Variants in DLG2 observed in about 807,000 individuals in gnomAD.
The protein encoded by DLG2 is disks large homolog 2.
A neutral mutation model predicts 132.5 loss-of-function variants in DLG2; 45 were observed. That is an observed-to-expected ratio of 0.34 (90% CI 0.27 to 0.44). The LOEUF (loss-of-function observed/expected upper bound fraction) is 0.44, where lower values mean the gene tolerates loss of function less well. Among genes scored for constraint, DLG2 ranks in the 20% least tolerant of loss-of-function variants. DLG2 has a pLI of 1.00. For synonymous variants in DLG2, 424 were observed against 419.6 expected, an observed-to-expected ratio of 1.01 and a Z score of -0.13; for missense variants, 1,045 against 1,196.9, an observed-to-expected ratio of 0.87 and a Z score of 1.87.
At chr11:83,792,972 T>C (rs2041964904) in intron 17 of DLG2, among the ~76,000 whole-genome samples, 1 of 152,198 alleles carries the variant, frequency 6.6e-6, no homozygotes, top group African/African-American at 2.4e-5. Flanking sequence ...CATTTGACTT[T>C]TTCCATTCTG....
At chr11:84,462,735 T>C (rs1329998024) in intron 7 of DLG2, among the ~76,000 whole-genome samples, 1 of 151,016 alleles carries the variant, frequency 6.6e-6, no homozygotes, top group East Asian at 2.0e-4. Context: ...CTCACGAGGG[T>C]TGAAAATACA....
At chr11:84,258,361 T>C (rs1419130397) in intron 7 of DLG2, among the ~76,000 whole-genome samples, 1 of 152,224 alleles carries the variant, frequency 6.6e-6, no homozygotes, top group African/African-American at 2.4e-5. Flanking sequence ...TCTTACATTC[T>C]ATAAATATGA....
chr11:85,566,376 C>T lies in DLG2; in HGVS notation c.40+32281G>A, dbSNP rs528879956. On this transcript the variant is annotated intron_variant, in intron 3 of 27. Transcript: ENST00000376104. ...CTTTTCCTGCTTGTGCTTTTGGTGT[C>T]ATAGTTAAGAAATCATGGCCTTATC... is the stretch of plus-strand genomic sequence containing the variant. 3.3e-5 allele frequency among the ~76,000 whole-genome samples: 5 copies of T among 152,118 alleles called. No homozygotes were observed. The East Asian group carries it at 9.7e-4, about 29-fold the overall frequency.
Position 85,502,592 on chromosome 11 carries a change from C to G in DLG2, c.40+96065G>C, listed in dbSNP as rs191297056. Among the ~76,000 whole-genome samples the G allele has an allele frequency of 9.3e-5, 14 of 150,154 alleles. No homozygotes were observed. The East Asian group carries it at 2.4e-3, about 26-fold the overall frequency. On this transcript the variant is annotated intron_variant, in intron 3 of 27. Coordinates refer to ENST00000376104, the MANE Select transcript of DLG2 (RefSeq NM_001142699.3). ...GCATGTTCTCACTTATAAGTTGGAG[C>G]TGAACAATGGGAACACATGGACACA...
chr11:84,332,037 C>T (rs2098462179), intron 7 of DLG2, among the ~76,000 whole-genome samples: 1 of 152,062 alleles, frequency 6.6e-6, no homozygotes, highest in Non-Finnish European at 1.5e-5. Context: ...ATTTCATCCT[C>T]AGAATATGTT....
At chr11:84,865,615 G>A (rs946263805) in intron 6 of DLG2, among the ~76,000 whole-genome samples, 1 of 152,140 alleles carries the variant, frequency 6.6e-6, no homozygotes, top group Non-Finnish European at 1.5e-5. Context: ...AAAGGTAACA[G>A]TTATTGATTT....
chr11:84,549,279 A>T (rs982068662), intron 6 of DLG2, among the ~76,000 whole-genome samples: 7 of 152,230 alleles, frequency 4.6e-5, no homozygotes, highest in Admixed American at 2.0e-4. Flanking sequence ...CATTTGAAGC[A>T]AAACTTCAAA....
At position 84,605,127 on chromosome 11, in the gene DLG2, A is replaced by T. The variant is rs146708971; in HGVS notation, c.358-70396T>A. On this transcript the variant is annotated intron_variant, in intron 6 of 27. Coordinates refer to ENST00000376104, the MANE Select transcript of DLG2 (RefSeq NM_001142699.3). ...ATTTTGGAAAACCATAATTATAAGC[A>T]TTTTGTTCAAGGTTAATGCCATAAA... Among the ~76,000 whole-genome samples, 264 of 152,062 alleles carry T rather than the reference A, an allele frequency of 1.7e-3. 2 individuals carry two copies. Among genetic ancestry groups the T allele is most frequent in the African/African-American group, 6.1e-3 (255 of 41,566 alleles).
chr11:85,472,107 C>A (rs1381940418), intron 3 of DLG2, among the ~76,000 whole-genome samples: 4 of 151,978 alleles, frequency 2.6e-5, no homozygotes, highest in Non-Finnish European at 5.9e-5. Context: ...GGGTGAAGTC[C>A]CTGACCAGGG....
chr11:83,770,255 G>GTTTTTTTTTTTTTTTTTTTTT lies in DLG2; in HGVS notation c.1825+16434_1825+16435insAAAAAAAAAAAAAAAAAAAAA, dbSNP rs143065797. On this transcript the variant is annotated intron_variant, in intron 18 of 27. Coordinates refer to ENST00000376104, the MANE Select transcript of DLG2 (RefSeq NM_001142699.3). Reference sequence around the variant, plus strand: ...TACCTTTTGTCTCGTGGTGTCTGGTGTTTTTTTTTGTTTTTTTGCTTTTTG... The same window carrying GTTTTTTTTTTTTTTTTTTTTT: ...TACCTTTTGTCTCGTGGTGTCTGGTGTTTTTTTTTTTTTTTTTTTTTTTTTTTTTTGTTTTTTTGCTTTTTG... Among the ~76,000 whole-genome samples the GTTTTTTTTTTTTTTTTTTTTT allele has an allele frequency of 9.4e-4, 103 of 109,858 alleles. 6 individuals carry two copies. The highest frequency in any genetic ancestry group is 1.3e-3 in the Non-Finnish European group (67 of 53,570). 72.1% of individuals were successfully genotyped at this position (109,858 alleles called of 152,430 possible).
At chr11:85,485,912 C>G (rs554478056) in intron 3 of DLG2, among the ~76,000 whole-genome samples, 6 of 152,298 alleles carry the variant, frequency 3.9e-5, no homozygotes, top group Admixed American at 3.9e-4. Flanking sequence ...GCCAGTGCAG[C>G]TGCCACCACT....
chr11:84,386,193 T>C (rs914769461), intron 7 of DLG2, among the ~76,000 whole-genome samples: 2 of 152,054 alleles, frequency 1.3e-5, no homozygotes, highest in Admixed American at 1.3e-4. Context: ...CTCTGGGAAT[T>C]GTCCTTACTT....
At chr11:84,212,761 C>CTG in intron 8 of DLG2, among the ~76,000 whole-genome samples, 1 of 152,236 alleles carries the variant, frequency 6.6e-6, no homozygotes, top group African/African-American at 2.4e-5. Flanking sequence ...CCGGTTCAAG[C>CTG]GAATCTACTG....
chr11:84,495,321 T>C (rs1343430816), intron 7 of DLG2, among the ~76,000 whole-genome samples: 1 of 152,090 alleles, frequency 6.6e-6, no homozygotes, highest in African/African-American at 2.4e-5. Flanking sequence ...GCTCAACATA[T>C]CACCTAAGAG....
intron 3 of DLG2, among the ~76,000 whole-genome samples, chr11:85,377,232 C>T (rs1045454463): frequency 5.9e-5 from 9 of 152,114 alleles, no homozygotes; most frequent in African/African-American, 2.2e-4. Context: ...AAATCTGTAA[C>T]ACATAATGGA....
intron 4 of DLG2, among the ~76,000 whole-genome samples, chr11:85,240,897 C>G: frequency 6.6e-6 from 1 of 151,522 alleles, no homozygotes; most frequent in East Asian, 1.9e-4. Context: ...CTTAGTTATT[C>G]TTAATATCTA....
intron 15 of DLG2, among the ~76,000 whole-genome samples, chr11:83,926,449 T>G (rs2078992926): frequency 6.6e-6 from 1 of 152,164 alleles, no homozygotes. Flanking sequence ...TACATCATTA[T>G]CTACTGCATC....
intron 18 of DLG2, among the ~76,000 whole-genome samples, chr11:83,709,616 A>G (rs1422322750): frequency 6.6e-6 from 1 of 152,126 alleles, no homozygotes; most frequent in Non-Finnish European, 1.5e-5. Context: ...AGTTTAATTT[A>G]GCTTTCTCAG....
chr11:85,390,272 T>C (rs1293136137), intron 3 of DLG2, among the ~76,000 whole-genome samples: 2 of 152,012 alleles, frequency 1.3e-5, no homozygotes, highest in South Asian at 2.1e-4. Context: ...CATTATATTA[T>C]GATAAAAGGA....
Sources: allele counts gnomAD v4.1 joint callset (sites outside exome capture counted in the v4.1 genomes callset), GRCh38; gene constraint gnomAD v4.1.1; transcripts MANE v1.5; gene names NCBI Gene and HGNC (gene_info 2026-07-23, HGNC 2026-07-21).